ASNSD1: variants seen among roughly 807,000 people sequenced by gnomAD.
ASNSD1 encodes asparagine synthetase domain containing 1.
Under a neutral mutation model 48.3 loss-of-function variants are expected in ASNSD1, and 36 were observed. The observed-to-expected ratio is 0.75, with a 90% CI of 0.57 to 0.99. The LOEUF is 0.99. Ranked by LOEUF, ASNSD1 falls within the 50% of genes least tolerant of loss-of-function variation. The probability of loss-of-function intolerance (pLI) is 0.00; values close to 1 mark genes in which losing one functional copy is unlikely to be tolerated. For synonymous variants in ASNSD1, 257 were observed against 262.1 expected (o/e 0.98, Z 0.19); for missense variants, 714 against 758.2 (o/e 0.94, Z 0.69).
intron 5 of ASNSD1, 58 bp downstream of exon 5, chr2:189,668,003 A>G (rs2032852981): frequency 6.7e-7 from 1 of 1,487,992 alleles, no homozygotes; most frequent in African/African-American, 1.4e-5. Flanking sequence ...CAGAGTGTAA[A>G]TGGAGACTTT....
In ASNSD1 at chr2:189,666,943, C is replaced by G; in HGVS notation, c.811C>G (p.Gln271Glu). 1.2e-6 allele frequency: 2 copies of G among 1,614,032 alleles called. No individual in the cohort carries two copies. Among genetic ancestry groups the G allele is most frequent in the Admixed American group, 1.7e-5 (1 of 60,014 alleles). The change falls in exon 4 of 6, where the codon CAA becomes GAA. Residue 271 changes from glutamine to glutamate, a missense_variant. Coordinates refer to ENST00000260952, the MANE Select transcript of ASNSD1 (RefSeq NM_019048.4). ...TGTGCCACCTACAAGAGAGATACTT[C>G]AAGTCTTTCTTACTGATGTACACAT... is the stretch of plus-strand genomic sequence containing the variant. ...SNVPPTREILQVFLTDVHMKE... is the reference protein window; with the variant it reads ...SNVPPTREILEVFLTDVHMKE...
At chr2:189,661,819 C>G (rs943849226) in intron 1 of ASNSD1, among the ~76,000 whole-genome samples, 1 of 152,300 alleles carries the variant, frequency 6.6e-6, no homozygotes, top group Admixed American at 6.5e-5. Context: ...TGAAATTTGT[C>G]CCGAGACTGG....
In ASNSD1 at chr2:189,666,602, C is replaced by G. The variant is rs759146718; in HGVS notation, c.470C>G (p.Ser157Cys). Reference sequence around the variant, plus strand: ...AATTTGGGCAAGAGTTTCTGCCTCTCTTCAGTTGGCACCCAAACATCTGGA... The same window carrying G: ...AATTTGGGCAAGAGTTTCTGCCTCTGTTCAGTTGGCACCCAAACATCTGGA... ...FSNLGKSFCL[S>C]SVGTQTSGLA... is the part of the protein sequence containing the mutation. Residue 157 changes from serine (S) to cysteine (C), a missense_variant, in exon 4 of 6, where the codon TCT (serine) becomes TGT (cysteine). By Grantham distance (112) the Ser-to-Cys change is moderately radical. Transcript: ENST00000260952. The G allele has an allele frequency of 2.4e-5, 38 of 1,614,018 alleles. No individual in the cohort carries two copies. The highest frequency in any genetic ancestry group is 3.1e-5 in the Non-Finnish European group (37 of 1,180,048).
chr2:189,670,367 C>T, intron 5 of ASNSD1, 74 bp from the exon 6 acceptor site: 2 of 1,274,528 alleles, frequency 1.6e-6, no homozygotes, highest in Admixed American at 2.4e-5. Context: ...TAAATTTTAG[C>T]TATAAAACTG....
rs764764604 is a variant in ASNSD1 at position 189,670,426 on chromosome 2, ATCTG to A, written c.1647-11_1647-8del. 11 of 1,585,536 alleles carry A rather than the reference ATCTG, an allele frequency of 6.9e-6. No individual in the cohort carries two copies. In the African/African-American group the frequency reaches 1.5e-4, roughly 21 times the overall value. On this transcript the variant is annotated splice_polypyrimidine_tract_variant and intron_variant, in intron 5 of 5. Transcript: ENST00000260952. ...TTTATTTTTACATAGTGGTTATATT[ATCTG>A]TCTATTTTAGATTTCCTTTCCTGGA...
intron 3 of ASNSD1, 63 bp from the exon 4 acceptor site, chr2:189,665,978 T>G (rs563604782): frequency 1.4e-6 from 1 of 734,646 alleles, no homozygotes; most frequent in Admixed American, 3.6e-5. Flanking sequence ...GCCCTCTGAA[T>G]TGCTAGGTAA....
rs371537991 is a variant in ASNSD1, at chr2:189,666,418, T to C, written c.286T>C (p.Phe96Leu). 4 of 1,613,904 alleles carry C rather than the reference T, an allele frequency of 2.5e-6. No homozygotes were observed. The African/African-American group carries it at 5.3e-5, about 22-fold the overall frequency. Reference sequence around the variant, plus strand: ...TGAAGAGAATGACACTCAAATTTTGTTTAATTATCTTTCCTCCTGTAAGAA... The same window carrying C: ...TGAAGAGAATGACACTCAAATTTTGCTTAATTATCTTTCCTCCTGTAAGAA... The part of the protein sequence containing the change: ...EAEENDTQIL[F>L]NYLSSCKNES... Residue 96 changes from phenylalanine to leucine, a missense_variant, in exon 4 of 6, where the codon TTT becomes CTT. Transcript: ENST00000260952.
chr2:189,670,296 G>T, intron 5 of ASNSD1, 145 bp from the exon 6 acceptor site: 2 of 559,494 alleles, frequency 3.6e-6, no homozygotes, highest in South Asian at 3.3e-5. Flanking sequence ...TTTATTTATT[G>T]AGATTTAGAC....
chr2:189,667,728 A>G (rs771095307), intron 4 of ASNSD1, 36 bp from the exon 5 acceptor site: 6 of 1,574,198 alleles, frequency 3.8e-6, no homozygotes, highest in South Asian at 1.2e-5. Flanking sequence ...TGTGTAGTTG[A>G]TAACATTTTT....
Position 189,670,524 on chromosome 2 carries a change from G to T in ASNSD1, c.1730G>T (p.Gly577Val). 2.5e-6 allele frequency: 4 copies of T among 1,613,942 alleles called. No individual in the cohort carries two copies. Among genetic ancestry groups the T allele is most frequent in the Non-Finnish European group, 3.4e-6 (4 of 1,179,916 alleles). The change falls in exon 6 of 6, where the codon GGA becomes GTA. Residue 577 changes from glycine (G) to valine (V), a missense_variant. Transcript: ENST00000260952. ...AAAGCAAACTTGACTTTACCCCGAG[G>T]AATTGGTGAAAAATTACTTTTACGC... ...WEKANLTLPR[G>V]IGEKLLLRLA...
chr2:189,666,248 T>TA lies in ASNSD1; in HGVS notation c.119dup (p.Ser41ValfsTer2). The TA allele has an allele frequency of 1.2e-6, 2 of 1,614,150 alleles. No individual in the cohort carries two copies. Among genetic ancestry groups the TA allele is most frequent in the Non-Finnish European group, 1.7e-6 (2 of 1,179,994 alleles). ...GGACCCAATAGTAGTAAACAATTGTTAAAGTCTGATGTTAACTACCAGTGT... is the reference window on the plus strand; with the variant it reads ...GGACCCAATAGTAGTAAACAATTGTTAAAAGTCTGATGTTAACTACCAGTGT... On this transcript the variant is annotated frameshift_variant, in exon 4 of 6. Transcript: ENST00000260952. LOFTEE classifies it high-confidence loss of function.
In ASNSD1 at chr2:189,666,261, T is replaced by C; in HGVS notation, c.129T>C (p.Val43=). 1 of 1,614,170 alleles carries C rather than the reference T, an allele frequency of 6.2e-7. No individual in the cohort carries two copies. Among genetic ancestry groups the C allele is most frequent in the Non-Finnish European group, 8.5e-7 (1 of 1,179,998 alleles). ...GTAAACAATTGTTAAAGTCTGATGT[T>C]AACTACCAGTGTTTATTTTCTGCTC... ...NSSKQLLKSD[V]NYQCLFSAHV... The change falls in exon 4 of 6, where the codon GTT becomes GTC. Residue 43 remains valine, a synonymous_variant. Transcript: ENST00000260952.
At position 189,667,364 on chromosome 2, in the gene ASNSD1, C is replaced by T. The variant is rs372794498; in HGVS notation, c.1232C>T (p.Ala411Val). The T allele has an allele frequency of 1.6e-5, 26 of 1,614,074 alleles. No homozygotes were observed. The highest frequency in any genetic ancestry group is 3.3e-5 in the South Asian group (3 of 91,076). ...VSVPDRITGR[A>V]GLKELQAVSP... ...GTACCAGATCGAATCACAGGAAGGG[C>T]GGGACTAAAGGAACTACAAGCTGTT... The change falls in exon 4 of 6, where the codon GCG becomes GTG. Residue 411 changes from alanine to valine, a missense_variant. Transcript: ENST00000260952.
Position 189,667,287 on chromosome 2 carries a change from C to A in ASNSD1, c.1155C>A (p.Phe385Leu), listed in dbSNP as rs1264739905. ...AATGTGAAATACCTTCAGAAGAATT[C>A]TCTAAAGATGTTGCTGCTGCTGCTG... Reference protein sequence around the residue: ...KNKCEIPSEEFSKDVAAAAAD... With the variant: ...KNKCEIPSEELSKDVAAAAAD... The change falls in exon 4 of 6, where the codon TTC (phenylalanine) becomes TTA (leucine). Residue 385 changes from phenylalanine (F) to leucine (L), a missense_variant. Physicochemically the swap from Phe to Leu is conservative, Grantham distance 22 (BLOSUM62 0). Coordinates refer to ENST00000260952, the MANE Select transcript of ASNSD1 (RefSeq NM_019048.4). 6.2e-7 allele frequency: 1 copy of A among 1,614,110 alleles called. No individual in the cohort carries two copies. Among genetic ancestry groups the A allele is most frequent in the East Asian group, 2.2e-5 (1 of 44,884 alleles).
Position 189,666,042 on chromosome 2 carries a change from T to A in ASNSD1, c.-91T>A. 2 of 1,338,676 alleles carry A rather than the reference T, an allele frequency of 1.5e-6. No homozygotes were observed. Among genetic ancestry groups the A allele is most frequent in the Non-Finnish European group, 2.0e-6 (2 of 989,084 alleles). The allele number at this position is 1,338,676 out of a possible 1,614,324, so 82.9% of individuals were successfully genotyped here. A position where few individuals can be genotyped will look rare whatever the true frequency, so the allele number is the denominator to read the frequency against. ...ATTTATTCTCCTTCCCTGCAACAGA[T>A]ATATTGGATGAACTGAAAAAAGAAT... On this transcript the variant is annotated splice_region_variant and 5_prime_UTR_variant, in exon 4 of 6. Coordinates refer to ENST00000260952, the MANE Select transcript of ASNSD1 (RefSeq NM_019048.4).
chr2:189,667,139 C>T lies in ASNSD1; in HGVS notation c.1007C>T (p.Ala336Val). ...FSGGIDSMVI[A>V]TLADRHIPLD... ...GGGGGCATTGATTCCATGGTTATTG[C>T]AACCCTTGCTGACCGTCATATTCCT... The change falls in exon 4 of 6, where the codon GCA becomes GTA. Residue 336 changes from alanine to valine, a missense_variant. Ala to Val is a moderately conservative substitution (Grantham distance 64). Coordinates refer to ENST00000260952, the MANE Select transcript of ASNSD1 (RefSeq NM_019048.4). 6.2e-7 allele frequency: 1 copy of T among 1,614,202 alleles called. No individual in the cohort carries two copies.
rs116742866 is a variant in ASNSD1 at position 189,667,959 on chromosome 2, T to C, written c.1646+14T>C. The stretch of plus-strand genomic sequence containing the variant: ...AAAAGAAGCAAGGTAATTCTAATCA[T>C]TTGAGTGTTCTTACGGTATTTTTAT... On this transcript the variant is annotated intron_variant, in intron 5 of 5. Transcript: ENST00000260952. 1,809 of 1,597,584 alleles carry C rather than the reference T, an allele frequency of 1.1e-3. 25 individuals carry two copies. The African/African-American group carries it at 0.022, about 19-fold the overall frequency.
intron 5 of ASNSD1, among the ~76,000 whole-genome samples, chr2:189,669,060 C>T (rs1481351354): frequency 2.0e-5 from 3 of 149,992 alleles, no homozygotes; most frequent in East Asian, 1.9e-4. Context: ...ACTTTCTCTC[C>T]CTCTCTCTCT....
In ASNSD1 at chr2:189,666,364, G is replaced by A; in HGVS notation, c.232G>A (p.Glu78Lys). 1.2e-6 allele frequency: 2 copies of A among 1,613,814 alleles called. No homozygotes were observed. The highest frequency in any genetic ancestry group is 2.2e-5 in the South Asian group (2 of 91,026). Residue 78 changes from glutamate to lysine, a missense_variant, in exon 4 of 6, where the codon GAA becomes AAA. Transcript: ENST00000260952. ...AGGCAATGTGTTTCTATGGAATGGAGAAATTTTTAGTGGAATAAAGGTTGA... is the reference window on the plus strand; with the variant it reads ...AGGCAATGTGTTTCTATGGAATGGAAAAATTTTTAGTGGAATAAAGGTTGA... ...ERGNVFLWNG[E>K]IFSGIKVEAE...
Sources: gnomAD v4.1 joint callset for allele counts (sites outside exome capture counted in the v4.1 genomes callset) on GRCh38, gnomAD v4.1.1 for gene constraint, MANE v1.5 for transcripts, NCBI Gene and HGNC (gene_info 2026-07-23, HGNC 2026-07-21) for gene names.